The following CHN2 variants were observed in gnomAD, a reference collection of about 807,000 sequenced individuals.
The protein encoded by CHN2 is chimerin 2, also known as beta-chimaerin.
CHN2 carries 35 observed loss-of-function variants against 56.3 expected under a neutral mutation model. The ratio of observed to expected loss-of-function variants is 0.62; its 90% CI spans 0.47 to 0.82. CHN2 has a LOEUF of 0.82. CHN2 is among the 40% of genes least tolerant of loss of function. The pLI, the probability that CHN2 is intolerant of heterozygous loss-of-function variation, is 0.00. For missense variants in CHN2, 491 were observed against 580.5 expected, an observed-to-expected ratio of 0.85 and a Z score of 1.58; for synonymous variants, 210 against 212.8, an observed-to-expected ratio of 0.99 and a Z score of 0.12.
At position 29,509,356 on chromosome 7, in the gene CHN2, G is replaced by A. The variant is rs777664326; in HGVS notation, c.1185G>A (p.Leu395=). The change falls in exon 12 of 13, where the codon CTG becomes CTA. Residue 395 remains leucine (L), a synonymous_variant. Coordinates refer to ENST00000222792, the MANE Select transcript of CHN2 (RefSeq NM_004067.4). ...LEAVHEVLML[L]PPAHYETLRY... is the part of the protein sequence containing the mutation. Reference sequence around the variant, plus strand: ...CCGTCCATGAAGTGCTGATGCTGCTGCCTCCTGCCCACTATGAAACCCTCC... The same window carrying A: ...CCGTCCATGAAGTGCTGATGCTGCTACCTCCTGCCCACTATGAAACCCTCC... 1.3e-5 allele frequency: 21 copies of A among 1,613,976 alleles called. No homozygotes were observed. Among genetic ancestry groups the A allele is most frequent in the Admixed American group, 6.7e-5 (4 of 60,000 alleles).
At chr7:29,156,796 A>G (rs948498450) in intron 2 of CHN2, among the ~76,000 whole-genome samples, 1 of 140,298 alleles carries the variant, frequency 7.1e-6, no homozygotes, top group African/African-American at 2.7e-5. Flanking sequence ...GAAAAAGTCC[A>G]AGAAGTCATA....
At chr7:29,398,887 C>T (rs965352421) in intron 5 of CHN2, among the ~76,000 whole-genome samples, 16 of 151,912 alleles carry the variant, frequency 1.1e-4, no homozygotes, top group African/African-American at 3.9e-4. Context: ...CAGTCAGGAG[C>T]CACTGCACCT....
chr7:29,212,857 G>A, intron 1 of CHN2: 1 of 1,609,804 alleles, frequency 6.2e-7, no homozygotes, highest in South Asian at 1.1e-5. Context: ...AGGGATGACT[G>A]GTGACCTGAC....
intron 1 of CHN2, among the ~76,000 whole-genome samples, chr7:29,248,594 G>A (rs886092384): frequency 3.9e-5 from 6 of 152,194 alleles, no homozygotes; most frequent in Non-Finnish European, 8.8e-5. Context: ...CGCACTATCC[G>A]CAGAGCTCTG....
intron 1 of CHN2, among the ~76,000 whole-genome samples, chr7:29,305,911 C>T (rs1044467776): frequency 6.9e-6 from 1 of 145,684 alleles, no homozygotes; most frequent in Non-Finnish European, 1.5e-5. Flanking sequence ...TTTCCCCATC[C>T]AAACTTAGAC....
At chr7:29,179,033 G>T (rs1797728701) in intron 2 of CHN2, among the ~76,000 whole-genome samples, 3 of 152,138 alleles carry the variant, frequency 2.0e-5, no homozygotes, top group Non-Finnish European at 2.9e-5. Flanking sequence ...GCCTCCTTAG[G>T]ATTATAGGGG....
At chr7:29,469,282 T>C (rs11978796) in intron 6 of CHN2, among the ~76,000 whole-genome samples, 35,934 of 152,182 alleles carry the variant, frequency 0.24, 5,877 homozygotes, top group African/African-American at 0.47. Context: ...GCTGAATTTC[T>C]GCCATAGCCT....
intron 6 of CHN2, among the ~76,000 whole-genome samples, chr7:29,415,882 T>C (rs549059511): frequency 3.9e-4 from 59 of 152,338 alleles, no homozygotes; most frequent in African/African-American, 1.4e-3. Context: ...GCCCGCCTTT[T>C]CCATTTTTAA....
At chr7:29,316,851 G>A (rs894632938) in intron 1 of CHN2, among the ~76,000 whole-genome samples, 1 of 151,968 alleles carries the variant, frequency 6.6e-6, no homozygotes, top group Non-Finnish European at 1.5e-5. Flanking sequence ...GTGGTAGCGG[G>A]GGAATCATGT....
At chr7:29,374,792 ATTTC>A (rs1462988119) in intron 3 of CHN2, among the ~76,000 whole-genome samples, 1 of 109,214 alleles carries the variant, frequency 9.2e-6, no homozygotes, top group Non-Finnish European at 2.2e-5. Flanking sequence ...GGTGATTTTT[ATTTC>A]TTTATTTCCT....
chr7:29,443,474 C>T (rs1783817274), intron 6 of CHN2, among the ~76,000 whole-genome samples: 1 of 152,208 alleles, frequency 6.6e-6, no homozygotes, highest in African/African-American at 2.4e-5. Context: ...TGATGCATTT[C>T]TCAGAACGTA....
intron 1 of CHN2, among the ~76,000 whole-genome samples, chr7:29,227,603 G>T (rs534783601): frequency 6.6e-6 from 1 of 152,174 alleles, no homozygotes; most frequent in African/African-American, 2.4e-5. Flanking sequence ...TTGCTTGCTG[G>T]ATTTGAACTG....
chr7:29,262,213 C>T (rs1789609830), intron 1 of CHN2, among the ~76,000 whole-genome samples: 1 of 152,128 alleles, frequency 6.6e-6, no homozygotes, highest in African/African-American at 2.4e-5. Context: ...TCTAACTGCA[C>T]AGAAGGTCTC....
chr7:29,258,434 G>C (rs1158158137), intron 1 of CHN2, among the ~76,000 whole-genome samples: 1 of 152,110 alleles, frequency 6.6e-6, no homozygotes, highest in Non-Finnish European at 1.5e-5. Flanking sequence ...CTCACTTTCT[G>C]ACTATTTCTG....
At chr7:29,420,885 C>A (rs1234402596) in intron 6 of CHN2, among the ~76,000 whole-genome samples, 1 of 151,608 alleles carries the variant, frequency 6.6e-6, no homozygotes, top group Non-Finnish European at 1.5e-5. Context: ...TCTTGGCTCA[C>A]TGCAACCCCT....
intron 11 of CHN2, among the ~76,000 whole-genome samples, chr7:29,508,719 T>C (rs1214453162): frequency 6.6e-6 from 1 of 152,152 alleles, no homozygotes; most frequent in African/African-American, 2.4e-5. Flanking sequence ...GTACTCTTCC[T>C]CCCATTGTTA....
Position 29,504,833 on chromosome 7 carries a change from C to A in CHN2, c.991+12C>A. ...GGCATTTGACAGAGGTAAGCTTGTACTTTCTTGAATGCCATCTGACATCCT... is the reference window on the plus strand; with the variant it reads ...GGCATTTGACAGAGGTAAGCTTGTAATTTCTTGAATGCCATCTGACATCCT... On this transcript the variant is annotated intron_variant, in intron 10 of 12. Coordinates refer to ENST00000222792, the MANE Select transcript of CHN2 (RefSeq NM_004067.4). 1.3e-6 allele frequency: 2 copies of A among 1,597,478 alleles called. No homozygotes were observed. Among genetic ancestry groups the A allele is most frequent in the Non-Finnish European group, 1.7e-6 (2 of 1,166,012 alleles).
chr7:29,211,800 C>A (rs1029280189), intron 1 of CHN2, among the ~76,000 whole-genome samples: 2 of 151,826 alleles, frequency 1.3e-5, no homozygotes, highest in Non-Finnish European at 1.5e-5. Flanking sequence ...TTTTAACTTG[C>A]TACACTGCGT....
intron 7 of CHN2, among the ~76,000 whole-genome samples, chr7:29,488,300 T>C (rs938685799): frequency 6.6e-6 from 1 of 152,200 alleles, no homozygotes; most frequent in African/African-American, 2.4e-5. Context: ...ATTTTTCATA[T>C]GAGATGAATG....
Sources: allele counts gnomAD v4.1 joint callset (sites outside exome capture counted in the v4.1 genomes callset), GRCh38; gene constraint gnomAD v4.1.1; transcripts MANE v1.5; gene names NCBI Gene and HGNC (gene_info 2026-07-23, HGNC 2026-07-21).